Variants in NF2 observed in about 807,000 individuals in gnomAD.
NF2 encodes the protein NF2, moesin-ezrin-radixin like (MERLIN) tumor suppressor.
A neutral mutation model predicts 83.7 loss-of-function variants in NF2; 8 were observed. The ratio of observed to expected loss-of-function variants is 0.10; its 90% confidence interval spans 0.06 to 0.17. The LOEUF (loss-of-function observed/expected upper bound fraction) is 0.17. Among genes scored for constraint, NF2 ranks in the 10% least tolerant of loss-of-function variants. NF2 has a pLI of 1.00. For synonymous variants in NF2, 266 were observed against 269.6 expected (o/e 0.99, Z 0.13); for missense variants, 533 against 744.4 (o/e 0.72, Z 3.31).
intron 4 of NF2, among the ~76,000 whole-genome samples, chr22:29,651,122 G>T (rs2066136168): frequency 6.6e-6 from 1 of 152,152 alleles, no homozygotes; most frequent in Non-Finnish European, 1.5e-5. Flanking sequence ...ATTGACTGGT[G>T]TGTGGGTATA....
At chr22:29,659,623 T>C (rs2066417701) in intron 7 of NF2, among the ~76,000 whole-genome samples, 1 of 152,250 alleles carries the variant, frequency 6.6e-6, no homozygotes, top group East Asian at 1.9e-4. Context: ...AAGGAAGATG[T>C]ATGCTTAAAA....
intron 7 of NF2, among the ~76,000 whole-genome samples, chr22:29,659,933 A>T (rs899943131): frequency 5.3e-5 from 8 of 152,220 alleles, no homozygotes; most frequent in Non-Finnish European, 1.0e-4. Context: ...TGTTAGGAGT[A>T]AAAAGATTTA....
At chr22:29,640,159 C>T (rs1226527329) in intron 3 of NF2, among the ~76,000 whole-genome samples, 2 of 135,078 alleles carry the variant, frequency 1.5e-5, no homozygotes, top group African/African-American at 2.8e-5. Flanking sequence ...TGAGTCACTT[C>T]ACTCTAGCCT....
intron 12 of NF2, among the ~76,000 whole-genome samples, chr22:29,673,837 A>T (rs576934064): frequency 6.6e-6 from 1 of 152,298 alleles, no homozygotes; most frequent in Non-Finnish European, 1.5e-5. Context: ...TTGTGCATTT[A>T]AAAAAAGTGT....
intron 1 of NF2, among the ~76,000 whole-genome samples, chr22:29,605,966 T>G (rs950173144): frequency 1.3e-5 from 2 of 152,146 alleles, no homozygotes; most frequent in African/African-American, 4.8e-5. Flanking sequence ...TCTTTTTTTT[T>G]CTTTTGAGAC....
intron 15 of NF2, among the ~76,000 whole-genome samples, chr22:29,684,340 C>T (rs2067222015): frequency 6.6e-6 from 1 of 152,110 alleles, no homozygotes; most frequent in Non-Finnish European, 1.5e-5. Flanking sequence ...GCTCATGGCA[C>T]CCAGAGCAGC....
Position 29,696,390 on chromosome 22 carries a change from G to GC in NF2, c.*1591dup, listed in dbSNP as rs2067554164. ...GCTGATGCTGCTGTGGCCAGCCAGG[G>GC]CCCTTGAGATCCTTCCAGTTTGGCT... is the stretch of plus-strand genomic sequence containing the variant. On this transcript the variant is annotated 3_prime_UTR_variant, in exon 16 of 16. Transcript: ENST00000338641. The GC allele has an allele frequency of 4.5e-6, 1 of 224,426 alleles. No homozygotes were observed. Among genetic ancestry groups the GC allele is most frequent in the Non-Finnish European group, 8.9e-6 (1 of 112,528 alleles). 13.9% of individuals were successfully genotyped at this position (224,426 alleles called of 1,614,324 possible).
At chr22:29,628,627 C>CTTTTT (rs5844863) in intron 1 of NF2, among the ~76,000 whole-genome samples, 2 of 69,220 alleles carry the variant, frequency 2.9e-5, no homozygotes, top group African/African-American at 1.0e-4. Flanking sequence ...TTTGTGACAT[C>CTTTTT]TTTTTTTTTT....
chr22:29,676,107 G>A (rs892219400), intron 13 of NF2, among the ~76,000 whole-genome samples: 3 of 152,078 alleles, frequency 2.0e-5, no homozygotes, highest in Non-Finnish European at 4.4e-5. Context: ...GACTGGAGTC[G>A]TCTGAGCAGT....
intron 1 of NF2, among the ~76,000 whole-genome samples, chr22:29,622,933 C>T (rs912215052): frequency 2.8e-5 from 4 of 143,050 alleles, no homozygotes; most frequent in Non-Finnish European, 4.5e-5. Flanking sequence ...GGATTACAGG[C>T]GTGAACCACC....
At chr22:29,641,266 G>A (rs2146886966) in intron 3 of NF2, among the ~76,000 whole-genome samples, 1 of 152,304 alleles carries the variant, frequency 6.6e-6, no homozygotes, top group African/African-American at 2.4e-5. Context: ...CTCTAAGAAT[G>A]TAAAATCACT....
In NF2 at chr22:29,691,407, T is replaced by A. The variant is rs142750685; in HGVS notation, c.1738-3345T>A. ...AGCAAGCAGGTGTTGCTGGGCAGTG[T>A]AGAGGGACCCAGGCCGGTTGCTGAG... On this transcript the variant is annotated intron_variant, in intron 15 of 15. Transcript: ENST00000338641. Among the ~76,000 whole-genome samples, 373 of 152,230 alleles carry A rather than the reference T, an allele frequency of 2.5e-3. 1 individual carries two copies. Among genetic ancestry groups the A allele is most frequent in the African/African-American group, 8.7e-3 (361 of 41,548 alleles).
rs778709917 is a variant in NF2 at position 29,674,950 on chromosome 22, G to A, written c.1446+9G>A. The A allele has an allele frequency of 3.2e-6, 5 of 1,554,882 alleles. No homozygotes were observed. The highest frequency in any genetic ancestry group is 4.4e-6 in the Non-Finnish European group (5 of 1,148,018). ...CCAAGCCCACGTACCCGGTGAGCCT[G>A]GGGGCCACCAGCTGGGGCTGCCTTA... On this transcript the variant is annotated intron_variant, in intron 13 of 15. Coordinates refer to ENST00000338641, the MANE Select transcript of NF2 (RefSeq NM_000268.4).
chr22:29,631,082 G>A (rs367631425), intron 1 of NF2, among the ~76,000 whole-genome samples: 4 of 152,194 alleles, frequency 2.6e-5, no homozygotes, highest in Admixed American at 6.5e-5. Flanking sequence ...CCTAATCAGC[G>A]TGGAGAGTCA....
chr22:29,650,920 T>C (rs1336048231), intron 4 of NF2, among the ~76,000 whole-genome samples: 3 of 152,208 alleles, frequency 2.0e-5, no homozygotes, highest in Non-Finnish European at 4.4e-5. Flanking sequence ...CTTTTTCCGA[T>C]TGATTTGTAG....
At chr22:29,647,842 G>T (rs534159378) in intron 4 of NF2, among the ~76,000 whole-genome samples, 1 of 152,170 alleles carries the variant, frequency 6.6e-6, no homozygotes, top group African/African-American at 2.4e-5. Context: ...GAGGTAGTTT[G>T]TTTCCACTTT....
intron 15 of NF2, among the ~76,000 whole-genome samples, chr22:29,685,997 G>A (rs1203848585): frequency 6.6e-6 from 1 of 151,228 alleles, no homozygotes; most frequent in Admixed American, 6.6e-5. Context: ...GGGTACATGT[G>A]CACAACGTGC....
intron 15 of NF2, among the ~76,000 whole-genome samples, chr22:29,690,517 G>T (rs1314287957): frequency 6.6e-6 from 1 of 152,132 alleles, no homozygotes; most frequent in Non-Finnish European, 1.5e-5. Context: ...TCGATGTTGG[G>T]CAGGAAGTAA....
rs899882527 is a variant in NF2 at position 29,658,280 on chromosome 22, T to C, written c.675+16T>C. The C allele has an allele frequency of 3.1e-6, 5 of 1,611,310 alleles. No individual in the cohort carries two copies. The African/African-American group carries it at 6.7e-5, about 22-fold the overall frequency. On this transcript the variant is annotated intron_variant, in intron 7 of 15. Coordinates refer to ENST00000338641, the MANE Select transcript of NF2 (RefSeq NM_000268.4). ...TGCAATCCGGGTGTGTTGAAACCTC[T>C]CTGAGCTCCTTGTGTAGTAGACAGA...
Sources: gnomAD v4.1 joint callset for allele counts (sites outside exome capture counted in the v4.1 genomes callset) on GRCh38, gnomAD v4.1.1 for gene constraint, MANE v1.5 for transcripts, NCBI Gene and HGNC (gene_info 2026-07-23, HGNC 2026-07-21) for gene names.